The following IQSEC1 variants were observed in gnomAD, a reference collection of about 807,000 sequenced individuals.
IQSEC1 encodes the protein IQ motif and Sec7 domain ArfGEF 1, also known as IQ motif and SEC7 domain-containing protein 1.
A neutral mutation model predicts 91.0 loss-of-function variants in IQSEC1; 31 were observed. The ratio of observed to expected loss-of-function variants is 0.34; its 90% CI spans 0.26 to 0.46. The LOEUF is 0.46. Among genes scored for constraint, IQSEC1 ranks in the 20% least tolerant of loss-of-function variants. The pLI is 1.00. For synonymous variants in IQSEC1, 699 were observed against 662.6 expected (o/e 1.05, Z -0.84); for missense variants, 1,388 against 1,575.6 (o/e 0.88, Z 2.02).
chr3:13,131,478 C>CTTTTTT (rs61345195), intron 2 of IQSEC1, among the ~76,000 whole-genome samples: 4 of 81,704 alleles, frequency 4.9e-5, no homozygotes, highest in East Asian at 4.2e-4. Flanking sequence ...AAATCTATGT[C>CTTTTTT]TTTTTTTTTT....
intron 1 of IQSEC1, among the ~76,000 whole-genome samples, chr3:13,233,680 C>T (rs1265036960): frequency 1.3e-5 from 2 of 152,184 alleles, no homozygotes; most frequent in Non-Finnish European, 2.9e-5. Context: ...CTCCCTGCCA[C>T]GTAGCCTGCT....
At chr3:13,110,766 C>T (rs1706231736) in intron 2 of IQSEC1, among the ~76,000 whole-genome samples, 2 of 152,208 alleles carry the variant, frequency 1.3e-5, no homozygotes, top group African/African-American at 4.8e-5. Context: ...GCTTCCCCAG[C>T]CTCAGCCGCC....
In IQSEC1 at chr3:12,920,491, G is replaced by A; in HGVS notation, c.1959C>T (p.Tyr653=). 6.2e-7 allele frequency: 1 copy of A among 1,614,232 alleles called. No homozygotes were observed. Among genetic ancestry groups the A allele is most frequent in the East Asian group, 2.2e-5 (1 of 44,888 alleles). Residue 653 remains tyrosine (Y), a synonymous_variant, in exon 6 of 14, where the codon TAC becomes TAT. Transcript: ENST00000613206. ...TCCGCTCGGGCTTGACATTGGGGCTGTACATGTCGGTGTTCAGCAGGATGA... is the reference window on the plus strand; with the variant it reads ...TCCGCTCGGGCTTGACATTGGGGCTATACATGTCGGTGTTCAGCAGGATGA... ...FAIILLNTDM[Y]SPNVKPERKM...
intron 1 of IQSEC1, among the ~76,000 whole-genome samples, chr3:13,062,177 T>A (rs576219412): frequency 6.6e-6 from 1 of 152,338 alleles, no homozygotes; most frequent in East Asian, 1.9e-4. Context: ...AGGCTCCTGA[T>A]GGATACACCA....
intron 2 of IQSEC1, among the ~76,000 whole-genome samples, chr3:13,088,437 A>G (rs572951713): frequency 1.4e-5 from 2 of 147,744 alleles, no homozygotes; most frequent in East Asian, 4.1e-4. Flanking sequence ...GCTCCTCCCC[A>G]CTCCTGCTCT....
intron 2 of IQSEC1, among the ~76,000 whole-genome samples, chr3:13,119,978 TG>T (rs1706397588): frequency 1.3e-5 from 2 of 152,116 alleles, no homozygotes; most frequent in Non-Finnish European, 2.9e-5. Context: ...ACGCTGGAGG[TG>T]GGCCACAGGG....
intron 13 of IQSEC1, 114 bp downstream of exon 13, chr3:12,902,659 A>AAAAAAAACAAC: frequency 1.1e-5 from 1 of 89,806 alleles, no homozygotes; most frequent in Non-Finnish European, 2.2e-5. Flanking sequence ...AAAAAACAAC[A>AAAAAAAACAAC]AAAAAAAAAC....
chr3:12,902,888 T>G (rs1694521719), intron 12 of IQSEC1, 66 bp from the exon 13 acceptor site: 5 of 1,203,416 alleles, frequency 4.2e-6, no homozygotes, highest in Non-Finnish European at 6.2e-6. Context: ...GCCTGCCTGG[T>G]GCCACGCTGC....
chr3:13,066,521 G>A (rs73142874), intron 1 of IQSEC1, among the ~76,000 whole-genome samples: 9,057 of 152,318 alleles, frequency 0.059, 832 homozygotes, highest in African/African-American at 0.2. Flanking sequence ...GGGAAGAAGG[G>A]CACTCCCGGC....
intron 2 of IQSEC1, among the ~76,000 whole-genome samples, chr3:13,088,401 C>T (rs1705777286): frequency 6.6e-6 from 1 of 152,040 alleles, no homozygotes; most frequent in South Asian, 2.1e-4. Context: ...CTTAGTATGC[C>T]GAGGCCCACC....
intron 2 of IQSEC1, among the ~76,000 whole-genome samples, chr3:13,115,352 G>A (rs1382767996): frequency 3.3e-5 from 5 of 152,224 alleles, no homozygotes; most frequent in Non-Finnish European, 7.3e-5. Flanking sequence ...TTCAGGATGA[G>A]GGCCTGGCCA....
chr3:12,980,563 C>A (rs1450867894), intron 1 of IQSEC1, among the ~76,000 whole-genome samples: 1 of 152,208 alleles, frequency 6.6e-6, no homozygotes, highest in African/African-American at 2.4e-5. Context: ...TACAAACACA[C>A]AACAATTTGT....
At chr3:13,118,593 G>T (rs1706373527) in intron 2 of IQSEC1, among the ~76,000 whole-genome samples, 1 of 152,154 alleles carries the variant, frequency 6.6e-6, no homozygotes, top group Non-Finnish European at 1.5e-5. Flanking sequence ...ATTTATATGG[G>T]GTCCCTGGCG....
At chr3:13,206,065 C>T (rs963402124) in intron 1 of IQSEC1, among the ~76,000 whole-genome samples, 1 of 150,650 alleles carries the variant, frequency 6.6e-6, no homozygotes, top group Non-Finnish European at 1.5e-5. Context: ...CTCCTCCCAC[C>T]CATCTATCTC....
chr3:13,131,639 A>C, intron 2 of IQSEC1, among the ~76,000 whole-genome samples: 1 of 151,956 alleles, frequency 6.6e-6, no homozygotes, highest in East Asian at 1.9e-4. Context: ...GGTGTGTGTC[A>C]CCACATGTGG....
intron 2 of IQSEC1, among the ~76,000 whole-genome samples, chr3:13,149,914 A>G (rs1014792431): frequency 1.3e-5 from 2 of 152,206 alleles, no homozygotes; most frequent in African/African-American, 2.4e-5. Flanking sequence ...TGAAAACTGA[A>G]AGTAAAAATC....
intron 1 of IQSEC1, among the ~76,000 whole-genome samples, chr3:13,013,855 G>C (rs1702998150): frequency 1.3e-5 from 2 of 152,224 alleles, no homozygotes; most frequent in African/African-American, 4.8e-5. Context: ...TCTGCACAGA[G>C]TCATGGAGTG....
At chr3:13,153,265 A>C (rs358354) in intron 2 of IQSEC1, among the ~76,000 whole-genome samples, 133,949 of 152,052 alleles carry the variant, frequency 0.88, 59,094 homozygotes, top group East Asian at 0.96. Context: ...GAAGCAGGCA[A>C]CCCCTGCAGG....
intron 2 of IQSEC1, among the ~76,000 whole-genome samples, chr3:13,163,590 C>T (rs1174464563): frequency 1.3e-5 from 2 of 152,166 alleles, no homozygotes; most frequent in Non-Finnish European, 1.5e-5. Context: ...GGCAGAAAGC[C>T]CACTCCATGT....
Sources: gnomAD v4.1 joint callset for allele counts (sites outside exome capture counted in the v4.1 genomes callset) on GRCh38, gnomAD v4.1.1 for gene constraint, MANE v1.5 for transcripts, NCBI Gene and HGNC (gene_info 2026-07-23, HGNC 2026-07-21) for gene names.